SLC66A2: variants seen among roughly 807,000 people sequenced by gnomAD.
The protein encoded by SLC66A2 is solute carrier family 66 member 2.
Under a neutral mutation model 25.5 loss-of-function variants are expected in SLC66A2, and 23 were observed. The ratio of observed to expected loss-of-function variants is 0.90; its 90% CI spans 0.65 to 1.28. The LOEUF (loss-of-function observed/expected upper bound fraction) is 1.28. Ranked by LOEUF, SLC66A2 falls within the 50% of genes most tolerant of loss-of-function variation. SLC66A2 has a pLI of 0.00. For synonymous variants in SLC66A2, 193 were observed against 166.5 expected (o/e 1.16, Z -1.23); for missense variants, 396 against 373.1 (o/e 1.06, Z -0.51).
chr18:79,943,233 T>C lies in SLC66A2; in HGVS notation c.337+96A>G, dbSNP rs546698110. The C allele has an allele frequency of 2.0e-5, 29 of 1,442,284 alleles. No homozygotes were observed. The East Asian group carries it at 4.8e-4, about 24-fold the overall frequency. The allele number at this position is 1,442,284 out of a possible 1,614,324, so 89.3% of individuals were successfully genotyped here. On this transcript the variant is annotated intron_variant, in intron 3 of 5. Transcript: ENST00000397778. ...CAGCACCACTTGGTGAAATGAAAGCTGCTTGGATCAGGACAGATTAGAGTG... is the reference window on the plus strand; with the variant it reads ...CAGCACCACTTGGTGAAATGAAAGCCGCTTGGATCAGGACAGATTAGAGTG...
In SLC66A2 at chr18:79,917,692, C is replaced by G. The variant is rs1299798162; in HGVS notation, c.608+1492G>C. Reference sequence around the variant, plus strand: ...AGCCCTCAGGGCTGCCACTGCCCAACCCAACAGTGAGGGAGCCTGTTCCAG... The same window carrying G: ...AGCCCTCAGGGCTGCCACTGCCCAAGCCAACAGTGAGGGAGCCTGTTCCAG... On this transcript the variant is annotated intron_variant, in intron 5 of 5. Transcript: ENST00000397778. The surrounding 1 kb of genome is among the most constrained non-coding windows in gnomAD (Gnocchi z 6.0). 6.6e-6 allele frequency among the ~76,000 whole-genome samples: 1 copy of G among 152,042 alleles called. No homozygotes were observed. The highest frequency in any genetic ancestry group is 1.5e-5 in the Non-Finnish European group (1 of 67,966).
intron 5 of SLC66A2, among the ~76,000 whole-genome samples, chr18:79,907,831 T>C (rs1012305735): frequency 3.3e-5 from 5 of 152,120 alleles, no homozygotes; most frequent in African/African-American, 9.7e-5. Flanking sequence ...TTAAACATCC[T>C]ATAATACCAA....
At position 79,917,966 on chromosome 18, in the gene SLC66A2, T is replaced by A. The variant is rs2123293881; in HGVS notation, c.608+1218A>T. Among the ~76,000 whole-genome samples, 1 of 151,578 alleles carries A rather than the reference T, an allele frequency of 6.6e-6. No homozygotes were observed. The highest frequency in any genetic ancestry group is 1.5e-5 in the Non-Finnish European group (1 of 67,860). The stretch of plus-strand genomic sequence containing the variant: ...CCCCAGCCCACACCTACACTTCACA[T>A]CTGTGCCTATGTCCCACACCCACAC... On this transcript the variant is annotated intron_variant, in intron 5 of 5. Transcript: ENST00000397778. The surrounding 1 kb of genome is among the most constrained non-coding windows in gnomAD (Gnocchi z 6.0).
intron 3 of SLC66A2, among the ~76,000 whole-genome samples, chr18:79,942,776 G>A (rs1180777676): frequency 6.6e-6 from 1 of 152,216 alleles, no homozygotes; most frequent in Non-Finnish European, 1.5e-5. Context: ...CAAAGGTTAA[G>A]GAGCCATGTG....
At position 79,950,788 on chromosome 18, in the gene SLC66A2, C is replaced by T. The variant is rs1266446323; in HGVS notation, c.139G>A (p.Asp47Asn). The T allele has an allele frequency of 3.1e-6, 5 of 1,613,198 alleles. No individual in the cohort carries two copies. The highest frequency in any genetic ancestry group is 4.2e-6 in the Non-Finnish European group (5 of 1,179,986). ...YRDIRRTQNADGFSTYVCLVL... is the reference protein window; with the variant it reads ...YRDIRRTQNANGFSTYVCLVL... ...AGGCACACGTAGGTGGAGAAGCCGT[C>T]GGCGTTCTGCGTCCTGCGAATGTCC... is the stretch of plus-strand genomic sequence containing the variant. Residue 47 changes from aspartate to asparagine, a missense_variant, in exon 2 of 6, where the codon GAC becomes AAC. Asp to Asn is a conservative substitution (Grantham distance 23). Transcript: ENST00000397778.
chr18:79,948,241 T>C (rs2050998574), intron 2 of SLC66A2, among the ~76,000 whole-genome samples: 1 of 152,236 alleles, frequency 6.6e-6, no homozygotes, highest in South Asian at 2.1e-4. Flanking sequence ...AGTTCCAGCT[T>C]CAAACCTCTA....
In SLC66A2 at chr18:79,941,053, C is replaced by T. The variant is rs1987623217; in HGVS notation, c.337+2276G>A. 6.6e-6 allele frequency among the ~76,000 whole-genome samples: 1 copy of T among 152,158 alleles called. No homozygotes were observed. Among genetic ancestry groups the T allele is most frequent in the South Asian group, 2.1e-4 (1 of 4,826 alleles). ...CCTGAGGAAAGGGTGCCCCAGCTTC[C>T]TATCGCCTCCATAACAAGGTACCAC... On this transcript the variant is annotated intron_variant, in intron 3 of 5. Coordinates refer to ENST00000397778, the MANE Select transcript of SLC66A2 (RefSeq NM_025078.5). This position sits in a 1 kb window ranked among gnomAD's most constrained non-coding sequence, Gnocchi z 4.1.
At chr18:79,939,199 A>G (rs1987410411) in intron 3 of SLC66A2, among the ~76,000 whole-genome samples, 1 of 152,214 alleles carries the variant, frequency 6.6e-6, no homozygotes, top group African/African-American at 2.4e-5. Context: ...CTTTTATTTC[A>G]TTAGGTCGTC....
intron 5 of SLC66A2, among the ~76,000 whole-genome samples, chr18:79,913,132 G>A (rs1254722889): frequency 6.6e-6 from 1 of 152,200 alleles, no homozygotes; most frequent in African/African-American, 2.4e-5. Context: ...GGGGCGGCCT[G>A]AGCCTCAGCT....
chr18:79,910,339 A>C (rs531202110), intron 5 of SLC66A2, among the ~76,000 whole-genome samples: 1 of 52,212 alleles, frequency 1.9e-5, no homozygotes, highest in Non-Finnish European at 3.7e-5. Context: ...AGAGTCCCCA[A>C]CCTTCCCCAC....
intron 2 of SLC66A2, chr18:79,944,617 C>T (rs1294802036): frequency 6.6e-6 from 1 of 152,416 alleles, no homozygotes; most frequent in Non-Finnish European, 1.5e-5. Flanking sequence ...GTGGCACGCA[C>T]TCATAGAAAG....
chr18:79,924,668 T>C (rs982597501), intron 4 of SLC66A2, among the ~76,000 whole-genome samples: 6 of 152,250 alleles, frequency 3.9e-5, no homozygotes, highest in Non-Finnish European at 7.3e-5. Flanking sequence ...AAAATTTTAA[T>C]GTATGTGACT....
rs1394503263 is a variant in SLC66A2, at chr18:79,937,723, C to T, written c.338-3701G>A. ...ACCAAACCTGGATCCGATAGGGCCTCAGGGTCCGCTATCTTTTTAAAATGC... is the reference window on the plus strand; with the variant it reads ...ACCAAACCTGGATCCGATAGGGCCTTAGGGTCCGCTATCTTTTTAAAATGC... On this transcript the variant is annotated intron_variant, in intron 3 of 5. Transcript: ENST00000397778. This position sits in a 1 kb window ranked among gnomAD's most constrained non-coding sequence, Gnocchi z 5.4. Among the ~76,000 whole-genome samples, 1 of 152,150 alleles carries T rather than the reference C, an allele frequency of 6.6e-6. No individual in the cohort carries two copies. The highest frequency in any genetic ancestry group is 6.5e-5 in the Admixed American group (1 of 15,278).
intron 3 of SLC66A2, among the ~76,000 whole-genome samples, chr18:79,938,344 G>A (rs1473099991): frequency 2.6e-5 from 4 of 152,042 alleles, no homozygotes; most frequent in Non-Finnish European, 5.9e-5. Flanking sequence ...ACTCCCAACC[G>A]CAGTCAGCCA....
In SLC66A2 at chr18:79,904,364, G is replaced by A. The variant is rs1480244949; in HGVS notation, c.609-181C>T. Reference sequence around the variant, plus strand: ...GCTCAGGGGGCACCCAGGGGGTTGAGGGGACACCCAGTCTACAGGGTGACC... The same window carrying A: ...GCTCAGGGGGCACCCAGGGGGTTGAAGGGACACCCAGTCTACAGGGTGACC... On this transcript the variant is annotated intron_variant, in intron 5 of 5. Coordinates refer to ENST00000397778, the MANE Select transcript of SLC66A2 (RefSeq NM_025078.5). The surrounding 1 kb of genome is among the most constrained non-coding windows in gnomAD (Gnocchi z 6.3). Among the ~76,000 whole-genome samples the A allele has an allele frequency of 6.6e-6, 1 of 151,736 alleles. No individual in the cohort carries two copies. The highest frequency in any genetic ancestry group is 2.4e-5 in the African/African-American group (1 of 41,294).
At chr18:79,943,220 G>A in intron 3 of SLC66A2, 109 bp downstream of exon 3, 1 of 1,360,498 alleles carries the variant, frequency 7.4e-7, no homozygotes, top group Admixed American at 2.3e-5. Flanking sequence ...GCACCACTTG[G>A]TGAAATGAAA....
At position 79,940,547 on chromosome 18, in the gene SLC66A2, C is replaced by T. The variant is rs562642429; in HGVS notation, c.337+2782G>A. ...AACAACCTTCCCTTAAAGGTGACGC[C>T]GCTGACAGGAAGACAAGGCTGGCCA... On this transcript the variant is annotated intron_variant, in intron 3 of 5. Coordinates refer to ENST00000397778, the MANE Select transcript of SLC66A2 (RefSeq NM_025078.5). This position sits in a 1 kb window ranked among gnomAD's most constrained non-coding sequence, Gnocchi z 4.1. Among the ~76,000 whole-genome samples, 68 of 152,182 alleles carry T rather than the reference C, an allele frequency of 4.5e-4. No homozygotes were observed. Among genetic ancestry groups the T allele is most frequent in the African/African-American group, 1.5e-3 (64 of 41,518 alleles).
chr18:79,936,550 G>A (rs1987107329), intron 3 of SLC66A2, among the ~76,000 whole-genome samples: 1 of 152,182 alleles, frequency 6.6e-6, no homozygotes, highest in South Asian at 2.1e-4. Context: ...CTGGCCTCCA[G>A]CCTGGAACTG....
rs1478293523 is a variant in SLC66A2 at position 79,950,814 on chromosome 18, C to G, written c.113G>C (p.Arg38Pro). ...GGCGTTCTGCGTCCTGCGAATGTCC[C>G]GATACTGCGGGACGTAGGGCACCAC... ...GGVVPYVPQY[R>P]DIRRTQNADG... The change falls in exon 2 of 6, where the codon CGG becomes CCG. Residue 38 changes from arginine to proline, a missense_variant. By Grantham distance (103) the Arg-to-Pro change is moderately radical. Transcript: ENST00000397778. The G allele has an allele frequency of 5.6e-6, 9 of 1,612,970 alleles. No homozygotes were observed. The South Asian group carries it at 7.7e-5, about 14-fold the overall frequency.
Sources: allele counts gnomAD v4.1 joint callset (sites outside exome capture counted in the v4.1 genomes callset), GRCh38; gene constraint gnomAD v4.1.1; non-coding constraint Gnocchi (gnomAD v3.1); transcripts MANE v1.5; gene names NCBI Gene and HGNC (gene_info 2026-07-23, HGNC 2026-07-21).